Variants in MGAT4C observed in about 807,000 individuals in gnomAD.
The protein encoded by MGAT4C is MGAT4 family member C, also known as alpha-1,3-mannosyl-glycoprotein 4-beta-N-acetylglucosaminyltransferase C.
In MGAT4C, 19 loss-of-function variants were observed where a neutral mutation model predicts 40.1. The observed-to-expected ratio is 0.47, with a 90% CI of 0.33 to 0.70. MGAT4C has a LOEUF of 0.70. Among genes scored for constraint, MGAT4C ranks in the 30% least tolerant of loss-of-function variants. MGAT4C has a pLI of 0.02. For synonymous variants in MGAT4C, 181 were observed against 187.1 expected (o/e 0.97, Z 0.27); for missense variants, 491 against 563.2 (o/e 0.87, Z 1.30).
chr12:86,765,125 T>A (rs1219152105), intron 1 of MGAT4C, among the ~76,000 whole-genome samples: 6 of 151,942 alleles, frequency 3.9e-5, no homozygotes, highest in East Asian at 1.9e-4. Flanking sequence ...TAAAAAAAAA[T>A]TAGACGAATG....
intron 1 of MGAT4C, among the ~76,000 whole-genome samples, chr12:86,116,174 C>T (rs2135665115): frequency 6.6e-6 from 1 of 151,820 alleles, no homozygotes; most frequent in Non-Finnish European, 1.5e-5. Flanking sequence ...GCCCAGATCA[C>T]ATTGGGCCTT....
chr12:86,032,964 T>A lies in MGAT4C; in HGVS notation c.-7+16710A>T, dbSNP rs1890896660. 2.0e-5 allele frequency among the ~76,000 whole-genome samples: 3 copies of A among 149,556 alleles called. 1 individual carries two copies. The highest frequency in any genetic ancestry group is 4.5e-5 in the Non-Finnish European group (3 of 66,568). On this transcript the variant is annotated intron_variant, in intron 2 of 4. Coordinates refer to ENST00000611864, the MANE Select transcript of MGAT4C (RefSeq NM_001351288.2). ...GTATATGGTGTAAGGAAAGTGTCTA[T>A]ATTTAGTTTTTGAAATATGGCTAGC...
intron 1 of MGAT4C, among the ~76,000 whole-genome samples, chr12:86,125,333 T>C (rs775382547): frequency 2.0e-5 from 3 of 152,162 alleles, no homozygotes; most frequent in Non-Finnish European, 2.9e-5. Context: ...TCCAGGCTGC[T>C]ACATCCCACA....
rs947068776 is a variant in MGAT4C, at chr12:85,958,984, C to G, written c.*20305G>C. The G allele has an allele frequency of 1.3e-5, 2 of 151,728 alleles. No homozygotes were observed. Among genetic ancestry groups the G allele is most frequent in the African/African-American group, 4.8e-5 (2 of 41,318 alleles). The allele number at this position is 151,728 out of a possible 1,614,324, so 9.4% of individuals were successfully genotyped here. On this transcript the variant is annotated 3_prime_UTR_variant, in exon 5 of 5. Coordinates refer to ENST00000611864, the MANE Select transcript of MGAT4C (RefSeq NM_001351288.2). Reference sequence around the variant, plus strand: ...AGTGCATAGGGCAGAGGAGGCGATTCAGTTACTTCTGCTATGTTATTAAAT... The same window carrying G: ...AGTGCATAGGGCAGAGGAGGCGATTGAGTTACTTCTGCTATGTTATTAAAT...
chr12:86,642,922 G>C (rs185275080), intron 2 of MGAT4C, among the ~76,000 whole-genome samples: 1 of 151,736 alleles, frequency 6.6e-6, no homozygotes, highest in Admixed American at 6.6e-5. Flanking sequence ...TGATTTCGGG[G>C]ATGTAAAATG....
chr12:86,483,950 G>T (rs1032067637), intron 2 of MGAT4C, among the ~76,000 whole-genome samples: 3 of 151,314 alleles, frequency 2.0e-5, no homozygotes, highest in East Asian at 1.9e-4. Context: ...TATTAAAGAC[G>T]CAAGGTAAAC....
rs546002064 is a variant in MGAT4C at position 86,800,363 on chromosome 12, C to A, written c.-262+38303G>T. On this transcript the variant is annotated intron_variant, in intron 1 of 7. Coordinates refer to the MGAT4C transcript ENST00000548651. Reference sequence around the variant, plus strand: ...CTTTTGTGCCTCCATCTGGTCATAGCCTCCAGCTGTTGGTAATCTCTGAAT... The same window carrying A: ...CTTTTGTGCCTCCATCTGGTCATAGACTCCAGCTGTTGGTAATCTCTGAAT... Among the ~76,000 whole-genome samples the A allele has an allele frequency of 7.2e-5, 11 of 152,022 alleles. No homozygotes were observed. In the South Asian group the frequency reaches 2.3e-3, roughly 31 times the overall value.
chr12:86,366,423 AAGGAAATGG>A (rs1955597805), intron 3 of MGAT4C, among the ~76,000 whole-genome samples: 1 of 152,122 alleles, frequency 6.6e-6, no homozygotes, highest in South Asian at 2.1e-4. Context: ...TACTATGTTG[AAGGAAATGG>A]TTCTGTAGGT....
chr12:86,166,444 G>T (rs1356826023), intron 1 of MGAT4C, among the ~76,000 whole-genome samples: 3 of 152,214 alleles, frequency 2.0e-5, no homozygotes, highest in Non-Finnish European at 4.4e-5. Flanking sequence ...GGCCAAGGCG[G>T]GCAGATTGCT....
chr12:86,138,118 T>C (rs1186607022), intron 1 of MGAT4C, among the ~76,000 whole-genome samples: 1 of 152,056 alleles, frequency 6.6e-6, no homozygotes, highest in East Asian at 1.9e-4. Context: ...CATGATTAAA[T>C]ACTCCACTCT....
intron 4 of MGAT4C, among the ~76,000 whole-genome samples, chr12:86,269,557 T>A (rs1478451482): frequency 2.0e-5 from 3 of 151,456 alleles, no homozygotes; most frequent in Admixed American, 2.0e-4. Context: ...CAATTCAGGT[T>A]TTTTTGTTTT....
intron 1 of MGAT4C, among the ~76,000 whole-genome samples, chr12:86,798,652 T>C (rs765449841): frequency 1.3e-5 from 2 of 151,860 alleles, no homozygotes; most frequent in African/African-American, 2.4e-5. Context: ...AGCCTTCTAA[T>C]TCCAAACAAT....
chr12:86,052,701 A>G (rs1893005747), intron 1 of MGAT4C, among the ~76,000 whole-genome samples: 1 of 151,960 alleles, frequency 6.6e-6, no homozygotes, highest in Admixed American at 6.6e-5. Context: ...TGAATCTTAA[A>G]TCATGTATTA....
At chr12:86,098,432 A>T (rs1272115313) in intron 1 of MGAT4C, among the ~76,000 whole-genome samples, 3 of 151,688 alleles carry the variant, frequency 2.0e-5, no homozygotes, top group South Asian at 4.1e-4. Context: ...CCATTGAGGC[A>T]TGTGTGACTG....
chr12:86,603,748 T>A lies in MGAT4C; in HGVS notation c.-229+123461A>T, dbSNP rs542008539. 6.1e-5 allele frequency among the ~76,000 whole-genome samples: 8 copies of A among 131,970 alleles called. No homozygotes were observed. The South Asian group carries it at 1.3e-3, about 22-fold the overall frequency. The allele number at this position is 131,970 out of a possible 152,430, so 86.6% of individuals were successfully genotyped here. ...ACTATATAATTATATATACTATATA[T>A]TATATATAATATATAGTATAATTAT... On this transcript the variant is annotated intron_variant, in intron 2 of 7. Transcript: ENST00000548651.
intron 1 of MGAT4C, among the ~76,000 whole-genome samples, chr12:86,168,227 G>A (rs1450755700): frequency 6.6e-6 from 1 of 152,126 alleles, no homozygotes; most frequent in Non-Finnish European, 1.5e-5. Flanking sequence ...TATAGCACAA[G>A]TCAAATTAAC....
intron 4 of MGAT4C, among the ~76,000 whole-genome samples, chr12:86,263,010 T>C (rs1278613397): frequency 1.3e-5 from 2 of 152,054 alleles, no homozygotes; most frequent in African/African-American, 4.8e-5. Flanking sequence ...AAAAGAGTGA[T>C]TTTTACCCTA....
At chr12:86,004,897 T>C (rs1170314207) in intron 2 of MGAT4C, among the ~76,000 whole-genome samples, 1 of 152,190 alleles carries the variant, frequency 6.6e-6, no homozygotes, top group East Asian at 1.9e-4. Context: ...CATGTGTAAC[T>C]GTAGGCAGAA....
chr12:86,626,783 T>C (rs1413026757), intron 2 of MGAT4C, among the ~76,000 whole-genome samples: 2 of 152,238 alleles, frequency 1.3e-5, no homozygotes, highest in Non-Finnish European at 2.9e-5. Flanking sequence ...AGCTCTAGTC[T>C]GCAGCTCCCA....
Sources: gnomAD v4.1 joint callset for allele counts (sites outside exome capture counted in the v4.1 genomes callset) on GRCh38, gnomAD v4.1.1 for gene constraint, MANE v1.5 for transcripts, NCBI Gene and HGNC (gene_info 2026-07-23, HGNC 2026-07-21) for gene names.